Variants in WDR44 observed in about 807,000 individuals in gnomAD.
The protein encoded by WDR44 is WD repeat domain 44.
In WDR44, 9 loss-of-function variants were observed where a neutral mutation model predicts 65.7. The observed-to-expected ratio is 0.14, with a 90% CI of 0.08 to 0.24. The LOEUF (loss-of-function observed/expected upper bound fraction) is 0.24. Among genes scored for constraint, WDR44 ranks in the 10% least tolerant of loss-of-function variants. The pLI is 1.00. For synonymous variants in WDR44, 220 were observed against 235.2 expected (o/e 0.94, Z 0.59); for missense variants, 425 against 670.9 (o/e 0.63, Z 4.05).
chrX:118,420,078 C>T (rs1049560279), intron 12 of WDR44, among the ~76,000 whole-genome samples: 2 of 109,931 alleles, frequency 1.8e-5, no homozygotes, highest in Non-Finnish European at 3.8e-5. Flanking sequence ...AACTTACCCC[C>T]TCATCCCTAA....
intron 7 of WDR44, among the ~76,000 whole-genome samples, chrX:118,397,307 T>C (rs1393339857): frequency 1.8e-5 from 2 of 111,353 alleles, no homozygotes; most frequent in Non-Finnish European, 3.8e-5. Context: ...ATAGTATAAA[T>C]ATTAAATCCC....
At position 118,393,259 on chromosome X, in the gene WDR44, C is replaced by G; in HGVS notation, c.814C>G (p.Pro272Ala). The change falls in exon 4 of 20, where the codon CCT becomes GCT. Residue 272 changes from proline to alanine, a missense_variant. Coordinates refer to ENST00000254029, the MANE Select transcript of WDR44 (RefSeq NM_019045.5). ...SELEFETLKT[P>A]DIDVPKENIT... ...ATTGGAATTTGAGACTCTGAAAACTCCTGATATAGATGGCAAGTATTAATT... is the reference window on the plus strand; with the variant it reads ...ATTGGAATTTGAGACTCTGAAAACTGCTGATATAGATGGCAAGTATTAATT... 1 of 1,190,584 alleles carries G rather than the reference C, an allele frequency of 8.4e-7. No homozygotes were observed. Among genetic ancestry groups the G allele is most frequent in the Non-Finnish European group, 1.1e-6 (1 of 889,085 alleles).
At chrX:118,441,901 C>G (rs2057307559) in intron 15 of WDR44, among the ~76,000 whole-genome samples, 1 of 110,681 alleles carries the variant, frequency 9.0e-6, no homozygotes, top group South Asian at 3.8e-4. Context: ...CCACCACACT[C>G]AGCTAATTTT....
At position 118,392,883 on chromosome X, in the gene WDR44, C is replaced by T. The variant is rs750200672; in HGVS notation, c.438C>T (p.Thr146=). 94 of 1,210,822 alleles carry T rather than the reference C, an allele frequency of 7.8e-5. No homozygotes were observed. In the Middle Eastern group the frequency reaches 1.4e-3, roughly 18 times the overall value. The change falls in exon 4 of 20, where the codon ACC becomes ACT. Residue 146 remains threonine, a synonymous_variant. Coordinates refer to ENST00000254029, the MANE Select transcript of WDR44 (RefSeq NM_019045.5). ...ELKKCFPSDE[T]CEKPVDETTK... ...AAAAATGCTTTCCTTCTGATGAAAC[C>T]TGTGAGAAACCAGTAGATGAAACCA...
intron 14 of WDR44, among the ~76,000 whole-genome samples, chrX:118,437,214 A>G (rs1427424366): frequency 8.9e-6 from 1 of 111,975 alleles, no homozygotes; most frequent in Non-Finnish European, 1.9e-5. Flanking sequence ...GAAAGAGGCA[A>G]AGACGAAAAT....
chrX:118,360,557 ACT>A (rs1035283259), intron 1 of WDR44, among the ~76,000 whole-genome samples: 3 of 111,707 alleles, frequency 2.7e-5, no homozygotes, highest in Non-Finnish European at 1.9e-5. Context: ...ATCAAATCTT[ACT>A]GTTTCAACTT....
chrX:118,366,235 C>A (rs945067519), intron 1 of WDR44, among the ~76,000 whole-genome samples: 5 of 111,513 alleles, frequency 4.5e-5, no homozygotes, highest in African/African-American at 1.6e-4. Context: ...AGTAGACCTG[C>A]ACTTTATATT....
At chrX:118,375,693 T>C (rs996980593) in intron 1 of WDR44, among the ~76,000 whole-genome samples, 1 of 111,695 alleles carries the variant, frequency 9.0e-6, no homozygotes, top group African/African-American at 3.2e-5. Context: ...TTTTGATACA[T>C]TGCAGTGTAA....
At position 118,372,363 on chromosome X, in the gene WDR44, A is replaced by G. The variant is rs757423842; in HGVS notation, c.78-6056A>G. On this transcript the variant is annotated intron_variant, in intron 1 of 19. Transcript: ENST00000254029. ...CTCCCTCCCATCCCCAAACTTGAAC[A>G]TGAATAGTTGTTTTCTTTAGGCACA... Among the ~76,000 whole-genome samples, 15 of 111,451 alleles carry G rather than the reference A, an allele frequency of 1.3e-4. No homozygotes were observed. The South Asian group carries it at 5.6e-3, about 42-fold the overall frequency.
rs1213083479 is a variant in WDR44, at chrX:118,438,797, G to GTTTTTTTTTTTTTTTTTTTTTTTT, written c.1974+1994_1974+1995insTTTTTTTTTTTTTTTTTTTTTTTT. On this transcript the variant is annotated intron_variant, in intron 14 of 19. Transcript: ENST00000254029. ...TTTATTAAACTTTCTGTTCAGCCAT[G>GTTTTTTTTTTTTTTTTTTTTTTTT]TTTTTTTTTTTTTTTTTTTTTGAAG... Among the ~76,000 whole-genome samples, 9 of 64,044 alleles carry GTTTTTTTTTTTTTTTTTTTTTTTT rather than the reference G, an allele frequency of 1.4e-4. 2 individuals carry two copies. The highest frequency in any genetic ancestry group is 7.2e-4 in the Admixed American group (3 of 4,151). The allele number at this position is 64,044 out of a possible 115,157, so 55.6% of individuals were successfully genotyped here.
intron 3 of WDR44, among the ~76,000 whole-genome samples, chrX:118,390,218 G>C (rs776796556): frequency 9.0e-6 from 1 of 110,747 alleles, no homozygotes; most frequent in Non-Finnish European, 1.9e-5. Flanking sequence ...CACCGTGTCC[G>C]GTCACAGTGA....
rs1437666387 is a variant in WDR44 at position 118,449,795 on chromosome X, T to TTTTG, written c.*812_*815dup. ...ATTGTAGTTTTTAAAAATTAAGCTG[T>TTTTG]TTTGTTTTGTGTTGTTGAATTTGAA... On this transcript the variant is annotated 3_prime_UTR_variant, in exon 20 of 20. Transcript: ENST00000254029. 8.9e-6 allele frequency: 1 copy of TTTTG among 111,934 alleles called. No individual in the cohort carries two copies. The highest frequency in any genetic ancestry group is 3.2e-5 in the African/African-American group (1 of 30,772). The allele number at this position is 111,934 out of a possible 1,213,427, so 9.2% of individuals were successfully genotyped here.
chrX:118,387,423 G>A lies in WDR44; in HGVS notation c.186+9G>A, dbSNP rs200615882. 6.5e-5 allele frequency: 74 copies of A among 1,139,476 alleles called. 1 individual carries two copies. The East Asian group carries it at 2.1e-3, about 32-fold the overall frequency. 93.9% of individuals were successfully genotyped at this position (1,139,476 alleles called of 1,213,427 possible). A position where few individuals can be genotyped will look rare whatever the true frequency, so the allele number is the denominator to read the frequency against. ...AAGATGTGTCTAAAAAGGTTGGAAAGATACAATGTCAATATTAGTTTATAG... is the reference window on the plus strand; with the variant it reads ...AAGATGTGTCTAAAAAGGTTGGAAAAATACAATGTCAATATTAGTTTATAG... On this transcript the variant is annotated intron_variant, in intron 3 of 19. Transcript: ENST00000254029.
At position 118,442,602 on chromosome X, in the gene WDR44, A is replaced by G; in HGVS notation, c.2306A>G (p.Tyr769Cys). Reference sequence around the variant, plus strand: ...TCAAATGACTCCAGAATCAGACTATATGATTTGAGAGATTTGTCACTATCC... The same window carrying G: ...TCAAATGACTCCAGAATCAGACTATGTGATTTGAGAGATTTGTCACTATCC... ...VTSNDSRIRL[Y>C]DLRDLSLSMK... The change falls in exon 17 of 20, where the codon TAT becomes TGT. Residue 769 changes from tyrosine to cysteine, a missense_variant. This residue lies in a region of WDR44 where 73 missense variants were observed against 187.4 expected (regional missense o/e 0.39). Transcript: ENST00000254029. The G allele has an allele frequency of 8.3e-7, 1 of 1,210,983 alleles. No individual in the cohort carries two copies. The highest frequency in any genetic ancestry group is 1.1e-6 in the Non-Finnish European group (1 of 894,951).
intron 1 of WDR44, among the ~76,000 whole-genome samples, chrX:118,365,387 A>G (rs780335299): frequency 9.0e-6 from 1 of 111,033 alleles, no homozygotes; most frequent in Non-Finnish European, 1.9e-5. Context: ...CACACCTGTA[A>G]TCCCAGCACT....
intron 1 of WDR44, among the ~76,000 whole-genome samples, chrX:118,374,245 A>ATTTT (rs1191595299): frequency 9.0e-6 from 1 of 111,319 alleles, no homozygotes; most frequent in Non-Finnish European, 1.9e-5. Flanking sequence ...ATACTAAATA[A>ATTTT]TGTTTTTTAT....
intron 12 of WDR44, among the ~76,000 whole-genome samples, chrX:118,425,507 G>A (rs1328589965): frequency 4.5e-5 from 5 of 110,403 alleles, no homozygotes; most frequent in African/African-American, 1.6e-4. Flanking sequence ...AATTAGCTGG[G>A]TGTGGTGGCA....
intron 5 of WDR44, among the ~76,000 whole-genome samples, chrX:118,394,417 T>C (rs755183269): frequency 9.0e-6 from 1 of 111,458 alleles, no homozygotes; most frequent in African/African-American, 3.3e-5. Context: ...AGTCCTTCCT[T>C]GAGGGTTTGA....
Position 118,398,433 on chromosome X carries a change from C to A in WDR44, c.1237C>A (p.Pro413Thr), listed in dbSNP as rs758840789. ...TGATGAAGAGAAGTTACAGTCTCAG[C>A]CAACAGATACTGATGGTGGAAGGTT... ...SDDEEKLQSQ[P>T]TDTDGGRLKQ... Residue 413 changes from proline to threonine, a missense_variant, in exon 8 of 20, where the codon CCA becomes ACA. This residue lies in a region of WDR44 where 77 missense variants were observed against 183.5 expected (regional missense o/e 0.42). Coordinates refer to ENST00000254029, the MANE Select transcript of WDR44 (RefSeq NM_019045.5). 4.1e-5 allele frequency: 49 copies of A among 1,207,780 alleles called. No homozygotes were observed. The East Asian group carries it at 1.4e-3, about 35-fold the overall frequency.
Sources: allele counts gnomAD v4.1 joint callset (sites outside exome capture counted in the v4.1 genomes callset), GRCh38; gene constraint gnomAD v4.1.1; regional missense constraint gnomAD v4.1.1; transcripts MANE v1.5; gene names NCBI Gene and HGNC (gene_info 2026-07-23, HGNC 2026-07-21).